Variants in CHST3 observed in about 807,000 individuals in gnomAD.
CHST3 encodes carbohydrate sulfotransferase 3.
Under a neutral mutation model 35.4 loss-of-function variants are expected in CHST3, and 20 were observed. That is an observed-to-expected ratio of 0.57 (90% CI 0.40 to 0.82). CHST3 has a LOEUF of 0.82. CHST3 is among the 40% of genes least tolerant of loss of function. The probability of loss-of-function intolerance (pLI) is 0.00; values close to 1 mark genes in which losing one functional copy is unlikely to be tolerated. For missense variants in CHST3, 693 were observed against 670.1 expected, an observed-to-expected ratio of 1.03 and a Z score of -0.38; for synonymous variants, 334 against 295.9, an observed-to-expected ratio of 1.13 and a Z score of -1.32.
chr10:72,004,518 C>T (rs548531541), intron 1 of CHST3, among the ~76,000 whole-genome samples: 50 of 152,100 alleles, frequency 3.3e-4, no homozygotes, highest in Non-Finnish European at 4.9e-4. Flanking sequence ...TTTTTTCTTT[C>T]GTTAATTTTT....
intron 1 of CHST3, among the ~76,000 whole-genome samples, chr10:71,976,568 G>C (rs1326984900): frequency 6.6e-6 from 1 of 152,168 alleles, no homozygotes; most frequent in African/African-American, 2.4e-5. Flanking sequence ...CCAGGAGAGA[G>C]AGAACTCAAA....
In CHST3 at chr10:71,973,449, C is replaced by T. The variant is rs1034730328; in HGVS notation, c.-108+8755C>T. 5.3e-5 allele frequency among the ~76,000 whole-genome samples: 8 copies of T among 152,320 alleles called. No homozygotes were observed. The East Asian group carries it at 9.6e-4, about 18-fold the overall frequency. The stretch of plus-strand genomic sequence containing the variant: ...CCCATCTGCAAGTAACGAGGCCTGC[C>T]GTGGCTGAGTCGTTTCCCTGAGCAG... On this transcript the variant is annotated intron_variant, in intron 1 of 2. Transcript: ENST00000373115.
intron 1 of CHST3, among the ~76,000 whole-genome samples, chr10:71,987,191 C>T (rs1839854825): frequency 6.6e-6 from 1 of 152,122 alleles, no homozygotes; most frequent in South Asian, 2.1e-4. Flanking sequence ...ACCCCTGTGG[C>T]CCCTCTCTCC....
Position 71,965,863 on chromosome 10 carries a change from A to G in CHST3, c.-108+1169A>G, listed in dbSNP as rs186466268. 3.9e-3 allele frequency among the ~76,000 whole-genome samples: 587 copies of G among 152,246 alleles called. 3 individuals are homozygous for G. Among genetic ancestry groups the G allele is most frequent in the African/African-American group, 0.012 (516 of 41,544 alleles). On this transcript the variant is annotated intron_variant, in intron 1 of 2. Coordinates refer to ENST00000373115, the MANE Select transcript of CHST3 (RefSeq NM_004273.5). Reference sequence around the variant, plus strand: ...ATCTGCTTGGGCCAGTGGCCCAGGCACTGTGTGTTCCACTGTGTCCCGTGG... The same window carrying G: ...ATCTGCTTGGGCCAGTGGCCCAGGCGCTGTGTGTTCCACTGTGTCCCGTGG...
intron 1 of CHST3, among the ~76,000 whole-genome samples, chr10:71,967,559 TTATC>T (rs1243927895): frequency 6.6e-6 from 1 of 152,234 alleles, no homozygotes; most frequent in Non-Finnish European, 1.5e-5. Context: ...CCACATTTCT[TTATC>T]TGGTCTACCG....
rs774188997 is a variant in CHST3 at position 72,007,517 on chromosome 10, C to T, written c.486C>T (p.Phe162=). Residue 162 remains phenylalanine, a synonymous_variant, in exon 3 of 3, where the codon TTC becomes TTT. Coordinates refer to ENST00000373115, the MANE Select transcript of CHST3 (RefSeq NM_004273.5). Reference sequence around the variant, plus strand: ...AGCAGGGCAACATCTTCTACCTCTTCGAGCCGCTGTGGCACATCGAGCGCA... The same window carrying T: ...AGCAGGGCAACATCTTCTACCTCTTTGAGCCGCTGTGGCACATCGAGCGCA... The part of the protein sequence containing the change: ...FNQQGNIFYL[F]EPLWHIERTV... The T allele has an allele frequency of 6.2e-6, 10 of 1,602,248 alleles. No homozygotes were observed. Among genetic ancestry groups the T allele is most frequent in the East Asian group, 2.2e-5 (1 of 44,836 alleles).
chr10:71,969,191 G>T (rs540471508), intron 1 of CHST3, among the ~76,000 whole-genome samples: 1 of 152,264 alleles, frequency 6.6e-6, no homozygotes, highest in East Asian at 1.9e-4. Flanking sequence ...ATAACCACAC[G>T]CTCATCTGGT....
At chr10:71,967,109 C>G (rs1839639015) in intron 1 of CHST3, among the ~76,000 whole-genome samples, 1 of 152,168 alleles carries the variant, frequency 6.6e-6, no homozygotes, top group South Asian at 2.1e-4. Context: ...CTCAGGTGAT[C>G]CTCCTGCCCC....
In CHST3 at chr10:72,011,575, C is replaced by T; in HGVS notation, c.*3104C>T. 6.6e-6 allele frequency: 1 copy of T among 152,362 alleles called. No homozygotes were observed. The highest frequency in any genetic ancestry group is 1.9e-4 in the East Asian group (1 of 5,192). The allele number at this position is 152,362 out of a possible 1,614,324, so 9.4% of individuals were successfully genotyped here. ...CTGTTCCAGCTTGTCTGCCAGAAGC[C>T]TTCCCCTGCAAGGTGCCCACCTGCC... On this transcript the variant is annotated 3_prime_UTR_variant, in exon 3 of 3. Transcript: ENST00000373115.
intron 1 of CHST3, among the ~76,000 whole-genome samples, chr10:71,981,153 C>G (rs1839797539): frequency 6.6e-6 from 1 of 152,258 alleles, no homozygotes; most frequent in South Asian, 2.1e-4. Context: ...CCCGCTGGCT[C>G]TGGTAGGGGT....
intron 1 of CHST3, among the ~76,000 whole-genome samples, chr10:72,000,982 G>C (rs1839987506): frequency 6.6e-6 from 1 of 152,116 alleles, no homozygotes; most frequent in East Asian, 1.9e-4. Flanking sequence ...GATTGTGGAC[G>C]CCGTCGGGAG....
chr10:71,987,400 C>T (rs1839858506), intron 1 of CHST3, among the ~76,000 whole-genome samples: 1 of 152,084 alleles, frequency 6.6e-6, no homozygotes, highest in South Asian at 2.1e-4. Flanking sequence ...CCAGAGGATT[C>T]AAATTCTGTT....
In CHST3 at chr10:72,001,181, C is replaced by T. The variant is rs139954274; in HGVS notation, c.-107-4555C>T. Among the ~76,000 whole-genome samples, 15 of 152,308 alleles carry T rather than the reference C, an allele frequency of 9.8e-5. No homozygotes were observed. In the East Asian group the frequency reaches 2.9e-3, roughly 29 times the overall value. On this transcript the variant is annotated intron_variant, in intron 1 of 2. Coordinates refer to ENST00000373115, the MANE Select transcript of CHST3 (RefSeq NM_004273.5). ...TGCCCAGGGCCTGGCACGTGGTGTG[C>T]ACTCACCAGATGGTCGCCGCCCTGA...
intron 1 of CHST3, among the ~76,000 whole-genome samples, chr10:71,993,071 T>C (rs1839912592): frequency 6.6e-6 from 1 of 152,220 alleles, no homozygotes; most frequent in Non-Finnish European, 1.5e-5. Context: ...TAAAATATTA[T>C]GAGATTTTCT....
In CHST3 at chr10:72,010,370, G is replaced by A. The variant is rs17297481; in HGVS notation, c.*1899G>A. On this transcript the variant is annotated 3_prime_UTR_variant, in exon 3 of 3. Coordinates refer to ENST00000373115, the MANE Select transcript of CHST3 (RefSeq NM_004273.5). ...GATACGGCCCATTGTAAACCCAGAGGGCTGCATTTTGGGTTGAGTAATATG... is the reference window on the plus strand; with the variant it reads ...GATACGGCCCATTGTAAACCCAGAGAGCTGCATTTTGGGTTGAGTAATATG... 13,626 of 152,256 alleles carry A rather than the reference G, an allele frequency of 0.089. 680 individuals carry two copies. The highest frequency in any genetic ancestry group is 0.14 in the Admixed American group (2,168 of 15,288). 9.4% of individuals were successfully genotyped at this position (152,256 alleles called of 1,614,324 possible).
intron 1 of CHST3, among the ~76,000 whole-genome samples, chr10:71,967,807 C>G (rs764840558): frequency 6.6e-6 from 1 of 151,980 alleles, no homozygotes; most frequent in South Asian, 2.1e-4. Flanking sequence ...TATAAGCACT[C>G]TGTTTTTTGT....
chr10:71,970,250 T>C (rs1269950538), intron 1 of CHST3, among the ~76,000 whole-genome samples: 1 of 150,828 alleles, frequency 6.6e-6, no homozygotes, highest in African/African-American at 2.4e-5. Flanking sequence ...TTGATCCCCC[T>C]CACCCCCCAC....
chr10:71,996,787 C>T (rs762500395), intron 1 of CHST3, among the ~76,000 whole-genome samples: 6 of 152,144 alleles, frequency 3.9e-5, no homozygotes, highest in Non-Finnish European at 7.3e-5. Context: ...CTGTGGGTAT[C>T]GTGGAGAACA....
intron 1 of CHST3, among the ~76,000 whole-genome samples, chr10:71,977,617 T>A (rs957456884): frequency 6.6e-6 from 1 of 151,800 alleles, no homozygotes; most frequent in Non-Finnish European, 1.5e-5. Flanking sequence ...ATTTTTAAAT[T>A]TTTTTTTAGA....
Sources: allele counts gnomAD v4.1 joint callset (sites outside exome capture counted in the v4.1 genomes callset), GRCh38; gene constraint gnomAD v4.1.1; transcripts MANE v1.5; gene names NCBI Gene and HGNC (gene_info 2026-07-23, HGNC 2026-07-21).